PREX2: variants seen among roughly 807,000 people sequenced by gnomAD.
PREX2 encodes the protein phosphatidylinositol-3,4,5-trisphosphate dependent Rac exchange factor 2.
A neutral mutation model predicts 203.2 loss-of-function variants in PREX2; 107 were observed. The ratio of observed to expected loss-of-function variants is 0.53; its 90% confidence interval spans 0.45 to 0.62. The LOEUF (loss-of-function observed/expected upper bound fraction) is 0.62. PREX2 is among the 20% of genes least tolerant of loss of function. The pLI is 0.00. For missense variants in PREX2, 1,777 were observed against 1,955.9 expected (o/e 0.91, Z 1.72); for synonymous variants, 672 against 663.6 (o/e 1.01, Z -0.19).
At chr8:68,087,871 C>G in intron 19 of PREX2, 62 bp downstream of exon 19, 1 of 1,048,736 alleles carries the variant, frequency 9.5e-7, no homozygotes, top group Non-Finnish European at 1.5e-6. Context: ...CCCGATGGAA[C>G]AGGAATGTGT....
At chr8:68,051,227 CT>C (rs1304671355) in intron 8 of PREX2, among the ~76,000 whole-genome samples, 1 of 152,088 alleles carries the variant, frequency 6.6e-6, no homozygotes, top group Non-Finnish European at 1.5e-5. Flanking sequence ...CTTGTGTTCC[CT>C]GTGCTCTGTG....
At chr8:68,229,141 G>T (rs1355538177) in intron 39 of PREX2, among the ~76,000 whole-genome samples, 1 of 152,030 alleles carries the variant, frequency 6.6e-6, no homozygotes. Flanking sequence ...TTTTATTGTT[G>T]CTGTGTAGAA....
chr8:68,102,831 T>A (rs764075752), intron 23 of PREX2: 15 of 518,496 alleles, frequency 2.9e-5, no homozygotes, highest in Admixed American at 2.5e-4. Flanking sequence ...CCACAGATGT[T>A]TTTTGGCACA....
chr8:68,100,784 G>A (rs953077509), intron 23 of PREX2, among the ~76,000 whole-genome samples: 3 of 152,136 alleles, frequency 2.0e-5, no homozygotes, highest in African/African-American at 7.2e-5. Context: ...TTTTAAGCAG[G>A]GGGATGACTT....
At chr8:68,196,260 A>G (rs1485165501) in intron 37 of PREX2, among the ~76,000 whole-genome samples, 1 of 150,758 alleles carries the variant, frequency 6.6e-6, no homozygotes, top group African/African-American at 2.4e-5. Context: ...TTAATATAAT[A>G]TAATTTAATT....
chr8:68,060,542 A>G, intron 10 of PREX2, 137 bp from the exon 11 acceptor site: 2 of 616,484 alleles, frequency 3.2e-6, no homozygotes, highest in South Asian at 4.4e-5. Flanking sequence ...GTGAAAAAAT[A>G]ATCTGTTGAA....
rs552995958 is a variant in PREX2, at chr8:68,025,050, A to G, written c.442-2172A>G. ...CAATTATTGCTTTCTATATTTTTCT[A>G]CAGTCTTTTATAGTTATGTACACAT... On this transcript the variant is annotated intron_variant, in intron 4 of 39. Transcript: ENST00000288368. Among the ~76,000 whole-genome samples the G allele has an allele frequency of 3.7e-4, 56 of 152,056 alleles. 1 individual carries two copies. The highest frequency in any genetic ancestry group is 1.3e-3 in the African/African-American group (55 of 41,518).
chr8:68,098,343 G>A (rs7832262), intron 22 of PREX2, among the ~76,000 whole-genome samples: 69,646 of 151,944 alleles, frequency 0.46, 16,442 homozygotes, highest in African/African-American at 0.57. Flanking sequence ...AAATTTTAGT[G>A]GGAGGAAGTA....
chr8:68,137,388 C>T (rs1811133712), intron 32 of PREX2, among the ~76,000 whole-genome samples: 1 of 152,056 alleles, frequency 6.6e-6, no homozygotes, highest in Non-Finnish European at 1.5e-5. Context: ...CCACTTCAGC[C>T]TCCCAAGTAA....
intron 35 of PREX2, among the ~76,000 whole-genome samples, chr8:68,181,025 C>CATT (rs1198760614): frequency 6.6e-6 from 1 of 152,226 alleles, no homozygotes; most frequent in East Asian, 1.9e-4. Context: ...CCTTGTTATT[C>CATT]ATTATTAATT....
At chr8:67,987,152 CAAAAAAAAAAAAAAA>C (rs57315665) in intron 1 of PREX2, among the ~76,000 whole-genome samples, 1 of 55,108 alleles carries the variant, frequency 1.8e-5, no homozygotes, top group South Asian at 7.5e-4. Context: ...GACTTCATCT[CAAAAAAAAAAAAAAA>C]AAAAAAAAAA....
intron 32 of PREX2, among the ~76,000 whole-genome samples, chr8:68,137,147 C>T (rs987474902): frequency 6.6e-6 from 1 of 152,154 alleles, no homozygotes; most frequent in Non-Finnish European, 1.5e-5. Flanking sequence ...CTCAGGTGAT[C>T]CACCCATCTC....
Position 68,055,611 on chromosome 8 carries a change from C to T in PREX2, c.1094-219C>T, listed in dbSNP as rs114253428. Among the ~76,000 whole-genome samples, 473 of 152,262 alleles carry T rather than the reference C, an allele frequency of 3.1e-3. 3 individuals are homozygous for T. Among genetic ancestry groups the T allele is most frequent in the African/African-American group, 0.011 (457 of 41,544 alleles). On this transcript the variant is annotated intron_variant, in intron 9 of 39. Coordinates refer to ENST00000288368, the MANE Select transcript of PREX2 (RefSeq NM_024870.4). The stretch of plus-strand genomic sequence containing the variant: ...GCTAAAGCTTTATGCCTTTGGGGCA[C>T]AGTTTGCACAAAGGTGACATATACC...
chr8:68,113,366 ACTC>A (rs1203713820), intron 25 of PREX2, among the ~76,000 whole-genome samples: 1 of 151,410 alleles, frequency 6.6e-6, no homozygotes, highest in African/African-American at 2.4e-5. Context: ...CAAAATGAGA[ACTC>A]CTGCATTTTT....
At chr8:67,952,630 G>T (rs1805385903) in intron 1 of PREX2, 95 bp downstream of exon 1, 4 of 1,511,218 alleles carry the variant, frequency 2.6e-6, no homozygotes, top group South Asian at 1.2e-5. Flanking sequence ...TTGTCTGTGC[G>T]GGGACCCGGG....
intron 35 of PREX2, among the ~76,000 whole-genome samples, chr8:68,186,378 A>G (rs1229804679): frequency 6.6e-6 from 1 of 152,186 alleles, no homozygotes; most frequent in African/African-American, 2.4e-5. Flanking sequence ...TGGATGAGCC[A>G]ATATATCTAA....
chr8:68,072,700 G>A, intron 14 of PREX2, 130 bp downstream of exon 14: 9 of 532,112 alleles, frequency 1.7e-5, no homozygotes, highest in Non-Finnish European at 3.0e-5. Flanking sequence ...CAACTAATAG[G>A]AAGCAGAGTT....
At chr8:68,227,561 A>G (rs966366887) in intron 39 of PREX2, among the ~76,000 whole-genome samples, 5 of 152,148 alleles carry the variant, frequency 3.3e-5, no homozygotes, top group Admixed American at 1.3e-4. Context: ...AGTCTTCGAT[A>G]TTTAGGAGGT....
At chr8:68,155,289 T>C (rs867125000) in intron 34 of PREX2, among the ~76,000 whole-genome samples, 22 of 152,188 alleles carry the variant, frequency 1.4e-4, no homozygotes, top group Non-Finnish European at 2.6e-4. Flanking sequence ...TAAAAATCTG[T>C]GAAACAAGCA....
Sources: allele counts gnomAD v4.1 joint callset (sites outside exome capture counted in the v4.1 genomes callset), GRCh38; gene constraint gnomAD v4.1.1; transcripts MANE v1.5; gene names NCBI Gene and HGNC (gene_info 2026-07-23, HGNC 2026-07-21).